YWHAZ: variants seen among roughly 807,000 people sequenced by gnomAD.
YWHAZ encodes the protein tyrosine 3-monooxygenase/tryptophan 5-monooxygenase activation protein zeta.
For synonymous variants in YWHAZ, 87 were observed against 103.6 expected (o/e 0.84, Z 0.97); for missense variants, 79 against 284.8 (o/e 0.28, Z 5.20).
intron 5 of YWHAZ, 43 bp from the exon 6 acceptor site, chr8:100,920,795 T>TGC: frequency 1.2e-5 from 1 of 80,652 alleles, no homozygotes; most frequent in South Asian, 1.3e-4. Flanking sequence ...TTCAGTGGGA[T>TGC]GGGGGGGGGG....
chr8:100,953,158 G>A (rs567473541), upstream of YWHAZ: 144 of 985,836 alleles, frequency 1.5e-4, no homozygotes, highest in South Asian at 4.2e-3. Flanking sequence ...GCCTTGACCC[G>A]GAGACAGGCA....
In YWHAZ at chr8:100,948,683, C is replaced by T; in HGVS notation, c.207G>A (p.Thr69=). 1.2e-6 allele frequency: 2 copies of T among 1,605,088 alleles called. No individual in the cohort carries two copies. Among genetic ancestry groups the T allele is most frequent in the East Asian group, 2.2e-5 (1 of 44,886 alleles). ...TCTGCTGTTTTTTCTCAGCACCTTC[C>T]GTCTTTTGTTCAATACTTGAGACGA... ...WRVVSSIEQK[T]EGAEKKQQMA... is the part of the protein sequence containing the mutation. The change falls in exon 2 of 6, where the codon ACG becomes ACA. Residue 69 remains threonine, a synonymous_variant. Transcript: ENST00000395958. This position sits in a 1 kb window ranked among gnomAD's most constrained non-coding sequence, Gnocchi z 4.2.
chr8:100,917,029 C>G lies in YWHAZ; in HGVS notation c.*3664G>C, dbSNP rs1320048938. On this transcript the variant is annotated 3_prime_UTR_variant, in exon 6 of 6. Transcript: ENST00000395958. Reference sequence around the variant, plus strand: ...GAATACAATCAAGCCAAATTTATTTCTTGACCTTTCCCTAGAGGAATGTGT... The same window carrying G: ...GAATACAATCAAGCCAAATTTATTTGTTGACCTTTCCCTAGAGGAATGTGT... The G allele has an allele frequency of 6.6e-6, 1 of 152,286 alleles. No homozygotes were observed. Among genetic ancestry groups the G allele is most frequent in the Non-Finnish European group, 1.5e-5 (1 of 68,030 alleles). 9.4% of individuals were successfully genotyped at this position (152,286 alleles called of 1,614,324 possible).
intron 2 of YWHAZ, among the ~76,000 whole-genome samples, chr8:100,941,071 A>G (rs1036100982): frequency 6.6e-6 from 1 of 152,224 alleles, no homozygotes; most frequent in African/African-American, 2.4e-5. Context: ...TCTTATTTCT[A>G]AACATCTTCC....
At chr8:100,935,438 AAACCTGAT>A (rs1350937559) in intron 2 of YWHAZ, among the ~76,000 whole-genome samples, 3 of 152,210 alleles carry the variant, frequency 2.0e-5, no homozygotes, top group African/African-American at 7.2e-5. Flanking sequence ...AGTTAAGACA[AAACCTGAT>A]AGAAATTCAG....
chr8:100,951,381 C>G (rs1289545525), intron 1 of YWHAZ: 4 of 979,764 alleles, frequency 4.1e-6, no homozygotes, highest in Non-Finnish European at 4.8e-6. Flanking sequence ...GCCGCCGCAG[C>G]GCCCAGCGCG....
At position 100,920,433 on chromosome 8, in the gene YWHAZ, A is replaced by G. The variant is rs1180998214; in HGVS notation, c.*260T>C. 1 of 480,210 alleles carries G rather than the reference A, an allele frequency of 2.1e-6. No individual in the cohort carries two copies. The highest frequency in any genetic ancestry group is 3.9e-5 in the East Asian group (1 of 25,916). 29.7% of individuals were successfully genotyped at this position (480,210 alleles called of 1,614,324 possible). A position where few individuals can be genotyped will look rare whatever the true frequency, so the allele number is the denominator to read the frequency against. ...CACAATGTACCAAAAGTACTATGCC[A>G]AACACTTATAACTTGTATAAAAATT... On this transcript the variant is annotated 3_prime_UTR_variant, in exon 6 of 6. Coordinates refer to ENST00000395958, the MANE Select transcript of YWHAZ (RefSeq NM_145690.3).
At chr8:100,947,637 C>T (rs1448278139) in intron 2 of YWHAZ, among the ~76,000 whole-genome samples, 3 of 152,208 alleles carry the variant, frequency 2.0e-5, no homozygotes, top group African/African-American at 4.8e-5. Context: ...ACAACCACAT[C>T]AGACATTATC....
rs1021786761 is a variant in YWHAZ, at chr8:100,924,354, C to T, written c.419-56G>A. The T allele has an allele frequency of 2.6e-6, 4 of 1,543,820 alleles. No individual in the cohort carries two copies. Among genetic ancestry groups the T allele is most frequent in the Non-Finnish European group, 3.5e-6 (4 of 1,146,402 alleles). On this transcript the variant is annotated intron_variant, in intron 3 of 5. Transcript: ENST00000395958. This position sits in a 1 kb window ranked among gnomAD's most constrained non-coding sequence, Gnocchi z 5.7. ...TAAAGTGTGCATTATATCTTCACCCCTCAAACCAAACCTTTAATATCTCAC... is the reference window on the plus strand; with the variant it reads ...TAAAGTGTGCATTATATCTTCACCCTTCAAACCAAACCTTTAATATCTCAC...
intron 2 of YWHAZ, among the ~76,000 whole-genome samples, chr8:100,942,801 T>C (rs1809970851): frequency 6.6e-6 from 1 of 152,058 alleles, no homozygotes; most frequent in Non-Finnish European, 1.5e-5. Context: ...TTTAGAAAGA[T>C]TAGAATAAGA....
At position 100,924,448 on chromosome 8, in the gene YWHAZ, T is replaced by A. The variant is rs1282782739; in HGVS notation, c.419-150A>T. On this transcript the variant is annotated intron_variant, in intron 3 of 5. Coordinates refer to ENST00000395958, the MANE Select transcript of YWHAZ (RefSeq NM_145690.3). The surrounding 1 kb of genome is among the most constrained non-coding windows in gnomAD (Gnocchi z 5.7). ...ATTGAACAAGGTCCTTTTTTTTTTT[T>A]AAAGGGAGCTTTCTCCTGGTACACA... The A allele has an allele frequency of 4.5e-5, 31 of 695,626 alleles. No individual in the cohort carries two copies. The highest frequency in any genetic ancestry group is 8.9e-5 in the East Asian group (3 of 33,758). The allele number at this position is 695,626 out of a possible 1,614,324, so 43.1% of individuals were successfully genotyped here. A position where few individuals can be genotyped will look rare whatever the true frequency, so the allele number is the denominator to read the frequency against.
intron 1 of YWHAZ, chr8:100,951,298 G>C: frequency 1.0e-6 from 1 of 984,626 alleles, no homozygotes. Flanking sequence ...TTTCCCTCGC[G>C]CTTGGGTCCC....
At chr8:100,946,340 G>A (rs3134359) in intron 2 of YWHAZ, among the ~76,000 whole-genome samples, 1 of 151,940 alleles carries the variant, frequency 6.6e-6, no homozygotes, top group African/African-American at 2.4e-5. Flanking sequence ...AGAGTTAGAC[G>A]TGACCTGGTC....
intron 1 of YWHAZ, chr8:100,951,327 C>G (rs1810754782): frequency 6.1e-6 from 6 of 984,588 alleles, no homozygotes; most frequent in Non-Finnish European, 7.2e-6. Flanking sequence ...CCGGCCCCTC[C>G]CCGCCGCGCC....
At chr8:100,942,241 A>G (rs1188770634) in intron 2 of YWHAZ, among the ~76,000 whole-genome samples, 1 of 151,912 alleles carries the variant, frequency 6.6e-6, no homozygotes, top group Non-Finnish European at 1.5e-5. Context: ...GAATGGCAAT[A>G]GAAAAAAAAA....
chr8:100,932,483 A>G (rs891805971), intron 2 of YWHAZ, among the ~76,000 whole-genome samples: 1 of 152,228 alleles, frequency 6.6e-6, no homozygotes, highest in African/African-American at 2.4e-5. Flanking sequence ...TATGGCTTAA[A>G]AGTTTGTCTC....
Position 100,918,913 on chromosome 8 carries a change from A to AT in YWHAZ, c.*1779dup, listed in dbSNP as rs1442262217. The stretch of plus-strand genomic sequence containing the variant: ...ATATTTTGTAAAGTGAGCTTTGGGT[A>AT]TAACTTAGCCCCATCATTATTTAGA... On this transcript the variant is annotated 3_prime_UTR_variant, in exon 6 of 6. Coordinates refer to ENST00000395958, the MANE Select transcript of YWHAZ (RefSeq NM_145690.3). 1 of 152,636 alleles carries AT rather than the reference A, an allele frequency of 6.6e-6. No individual in the cohort carries two copies. The highest frequency in any genetic ancestry group is 6.5e-5 in the Admixed American group (1 of 15,288). The allele number at this position is 152,636 out of a possible 1,614,324, so 9.5% of individuals were successfully genotyped here.
rs777005150 is a variant in YWHAZ, at chr8:100,923,945, A to G, written c.678+10T>C. ...CACATTCATCACTAATGATGCTGTT[A>G]TGTACTTACTGTCAAGTTGTCTCTC... On this transcript the variant is annotated intron_variant, in intron 5 of 5. Transcript: ENST00000395958. 77 of 1,606,752 alleles carry G rather than the reference A, an allele frequency of 4.8e-5. No homozygotes were observed. Among genetic ancestry groups the G allele is most frequent in the Non-Finnish European group, 6.1e-5 (72 of 1,176,806 alleles).
At chr8:100,950,064 A>C (rs1420669518) in intron 1 of YWHAZ, among the ~76,000 whole-genome samples, 1 of 152,172 alleles carries the variant, frequency 6.6e-6, no homozygotes. Flanking sequence ...GAAATCCCAC[A>C]ATATTTTTTT....
Sources: allele counts gnomAD v4.1 joint callset (sites outside exome capture counted in the v4.1 genomes callset), GRCh38; gene constraint gnomAD v4.1.1; non-coding constraint Gnocchi (gnomAD v3.1); transcripts MANE v1.5; gene names NCBI Gene and HGNC (gene_info 2026-07-23, HGNC 2026-07-21).